Variants in MYO5C observed in about 807,000 individuals in gnomAD.
The protein encoded by MYO5C is unconventional myosin-Vc.
Under a neutral mutation model 235.7 loss-of-function variants are expected in MYO5C, and 194 were observed. That is an observed-to-expected ratio of 0.82 (90% CI 0.73 to 0.93). The LOEUF is 0.93. Ranked by LOEUF, MYO5C falls within the 40% of genes least tolerant of loss-of-function variation. The pLI, the probability that MYO5C is intolerant of heterozygous loss-of-function variation, is 0.00. For missense variants in MYO5C, 2,038 were observed against 2,127.2 expected (o/e 0.96, Z 0.82); for synonymous variants, 707 against 754.8 (o/e 0.94, Z 1.04).
chr15:52,281,907 T>C (rs1057489461), intron 2 of MYO5C, among the ~76,000 whole-genome samples: 2 of 152,242 alleles, frequency 1.3e-5, no homozygotes, highest in Non-Finnish European at 2.9e-5. Context: ...CTCTGGGATC[T>C]AGATGGAGCA....
rs764890548 is a variant in MYO5C, at chr15:52,208,643, C to T, written c.4297G>A (p.Glu1433Lys). ...TINGIKQVVK[E>K]HLEDFEMLSF... ...AGCATTTCAAAGTCTTCTAAATGTT[C>T]CTTAGGAAAATAAGAAAAGACAAAA... is the stretch of plus-strand genomic sequence containing the variant. Residue 1433 changes from glutamate (E) to lysine (K), a missense_variant and splice_region_variant, in exon 36 of 41, where the codon GAA becomes AAA. Transcript: ENST00000261839. 6.2e-7 allele frequency: 1 copy of T among 1,613,578 alleles called. No individual in the cohort carries two copies. The highest frequency in any genetic ancestry group is 1.7e-5 in the Admixed American group (1 of 59,950).
intron 5 of MYO5C, among the ~76,000 whole-genome samples, chr15:52,274,760 T>C (rs2140849455): frequency 6.6e-6 from 1 of 151,852 alleles, no homozygotes; most frequent in East Asian, 2.0e-4. Context: ...GGTCTTATTC[T>C]TTTCCATCAC....
At chr15:52,232,107 AAGAAAAGAAAGAAAG>A (rs1339228206) in intron 24 of MYO5C, among the ~76,000 whole-genome samples, 39 of 150,560 alleles carry the variant, frequency 2.6e-4, no homozygotes, top group African/African-American at 9.2e-4. Context: ...GTAAAAAAAA[AAGAAAAGAAAGAAAG>A]AGAAAAGAAA....
chr15:52,248,813 A>C, intron 13 of MYO5C, 30 bp from the exon 14 acceptor site: 1 of 1,458,530 alleles, frequency 6.9e-7, no homozygotes, highest in Non-Finnish European at 9.6e-7. Flanking sequence ...AATTATTCCC[A>C]AAGAGGCCAA....
Position 52,278,941 on chromosome 15 carries a change from C to T in MYO5C, c.381G>A (p.Gly127=), listed in dbSNP as rs763004272. 1.5e-5 allele frequency: 25 copies of T among 1,614,134 alleles called. No individual in the cohort carries two copies. Among genetic ancestry groups the T allele is most frequent in the Non-Finnish European group, 2.1e-5 (25 of 1,180,006 alleles). ...GTGGGTCCATATCGCCCATGTTCTGCCCGCTGTAGGCGTGGATGATGGCAT... is the reference window on the plus strand; with the variant it reads ...GTGGGTCCATATCGCCCATGTTCTGTCCGCTGTAGGCGTGGATGATGGCAT... The part of the protein sequence containing the change: ...YGDAIIHAYS[G]QNMGDMDPHI... Residue 127 remains glycine (G), a synonymous_variant, in exon 4 of 41, where the codon GGG becomes GGA. Coordinates refer to ENST00000261839, the MANE Select transcript of MYO5C (RefSeq NM_018728.4).
chr15:52,246,894 G>A, intron 16 of MYO5C, 23 bp downstream of exon 16: 4 of 1,586,356 alleles, frequency 2.5e-6, no homozygotes, highest in Non-Finnish European at 3.5e-6. Context: ...CGTCTTCGCT[G>A]TGTGTTGCAT....
At chr15:52,242,434 A>G (rs949872089) in intron 19 of MYO5C, 1 of 508,712 alleles carries the variant, frequency 2.0e-6, no homozygotes, top group African/African-American at 1.9e-5. Flanking sequence ...CTTTTCATTC[A>G]GGCCAGTCGA....
At chr15:52,212,588 A>C (rs1012776527) in intron 34 of MYO5C, among the ~76,000 whole-genome samples, 1 of 152,168 alleles carries the variant, frequency 6.6e-6, no homozygotes, top group Non-Finnish European at 1.5e-5. Context: ...GCTGACAGGG[A>C]GGCAGATTTT....
At chr15:52,270,271 CA>C (rs2036890719) in intron 7 of MYO5C, among the ~76,000 whole-genome samples, 1 of 151,696 alleles carries the variant, frequency 6.6e-6, no homozygotes, top group Non-Finnish European at 1.5e-5. Flanking sequence ...GACCCTGTCT[CA>C]AAAAAACAAA....
intron 8 of MYO5C, 60 bp downstream of exon 8, chr15:52,269,693 A>ATT: frequency 9.2e-7 from 1 of 1,092,324 alleles, no homozygotes; most frequent in Non-Finnish European, 1.4e-6. Context: ...GCCTGGCCTT[A>ATT]ATTTTTTTTT....
chr15:52,255,612 T>C (rs1432825184), intron 11 of MYO5C, among the ~76,000 whole-genome samples: 1 of 152,220 alleles, frequency 6.6e-6, no homozygotes, highest in Non-Finnish European at 1.5e-5. Flanking sequence ...TTTAATTTCA[T>C]TGACTTCTGT....
At chr15:52,256,939 CACCT>C (rs2036597743) in intron 10 of MYO5C, 6 of 478,916 alleles carry the variant, frequency 1.3e-5, no homozygotes, top group South Asian at 1.1e-4. Context: ...AGGTATAAAA[CACCT>C]ACCTCAAGCC....
chr15:52,224,236 T>C (rs1397240073), intron 28 of MYO5C, among the ~76,000 whole-genome samples: 2 of 152,188 alleles, frequency 1.3e-5, no homozygotes, highest in African/African-American at 4.8e-5. Flanking sequence ...TGAGCCAAGA[T>C]CTTGCCACTG....
At chr15:52,265,651 A>C (rs1596210317) in intron 8 of MYO5C, among the ~76,000 whole-genome samples, 1 of 149,796 alleles carries the variant, frequency 6.7e-6, no homozygotes, top group African/African-American at 2.5e-5. Context: ...TAATCCTCCC[A>C]CCTCCGCCTC....
intron 4 of MYO5C, 56 bp downstream of exon 4, chr15:52,278,817 G>A (rs1156554805): frequency 6.9e-6 from 11 of 1,596,928 alleles, no homozygotes; most frequent in East Asian, 2.2e-5. Context: ...TGATGGTCTG[G>A]CAAATGCAGG....
chr15:52,271,480 C>G (rs1253210098), intron 7 of MYO5C, among the ~76,000 whole-genome samples: 2 of 152,150 alleles, frequency 1.3e-5, no homozygotes, highest in Non-Finnish European at 2.9e-5. Context: ...CCACCCTCCT[C>G]AGCCTCCCAA....
chr15:52,204,565 A>T (rs1364149987), intron 38 of MYO5C, among the ~76,000 whole-genome samples: 1 of 152,072 alleles, frequency 6.6e-6, no homozygotes, highest in African/African-American at 2.4e-5. Context: ...CAGAGAAGGT[A>T]GTCACTACTG....
chr15:52,247,333 T>G, intron 15 of MYO5C, 125 bp downstream of exon 15: 1 of 1,141,692 alleles, frequency 8.8e-7, no homozygotes, highest in Non-Finnish European at 1.3e-6. Flanking sequence ...GGAGTCCATG[T>G]TAGATTGGAA....
At chr15:52,240,733 A>AAAAT (rs1158351550) in intron 20 of MYO5C, among the ~76,000 whole-genome samples, 2 of 152,060 alleles carry the variant, frequency 1.3e-5, no homozygotes, top group South Asian at 2.1e-4. Flanking sequence ...CCTTGTCTCA[A>AAAAT]AAATAAATAA....
Sources: gnomAD v4.1 joint callset for allele counts (sites outside exome capture counted in the v4.1 genomes callset) on GRCh38, gnomAD v4.1.1 for gene constraint, MANE v1.5 for transcripts, NCBI Gene and HGNC (gene_info 2026-07-23, HGNC 2026-07-21) for gene names.